Variants in GSN observed in about 807,000 individuals in gnomAD.
GSN encodes gelsolin.
GSN carries 56 observed loss-of-function variants against 85.7 expected under a neutral mutation model. The ratio of observed to expected loss-of-function variants is 0.65; its 90% CI spans 0.53 to 0.82. The LOEUF (loss-of-function observed/expected upper bound fraction) is 0.82, where lower values mean the gene tolerates loss of function less well. GSN is among the 40% of genes least tolerant of loss of function. The probability of loss-of-function intolerance (pLI) is 0.00; values close to 1 mark genes in which losing one functional copy is unlikely to be tolerated. For synonymous variants in GSN, 373 were observed against 399.1 expected (o/e 0.93, Z 0.78); for missense variants, 857 against 979.8 (o/e 0.87, Z 1.67).
chr9:121,249,216 T>C (rs2054764404), intron 6 of GSN, among the ~76,000 whole-genome samples: 1 of 151,860 alleles, frequency 6.6e-6, no homozygotes, highest in Admixed American at 6.6e-5. Context: ...CCCAGCACTC[T>C]GGGAGGGTGA....
intron 7 of GSN, among the ~76,000 whole-genome samples, chr9:121,314,381 C>A (rs534497130): frequency 4.9e-4 from 75 of 152,270 alleles, no homozygotes; most frequent in African/African-American, 1.7e-3. Context: ...GGAAATACTA[C>A]AGAAATGGTG....
chr9:121,322,704 G>A (rs1035812900), intron 11 of GSN, among the ~76,000 whole-genome samples: 2 of 152,096 alleles, frequency 1.3e-5, no homozygotes, highest in African/African-American at 4.8e-5. Context: ...TCACACTCGT[G>A]GATTGTGTGG....
At chr9:121,319,432 G>C (rs2062121712) in intron 10 of GSN, among the ~76,000 whole-genome samples, 1 of 152,114 alleles carries the variant, frequency 6.6e-6, no homozygotes, top group Non-Finnish European at 1.5e-5. Context: ...GTGCTAGTGA[G>C]GGGTTTTTCT....
intron 6 of GSN, among the ~76,000 whole-genome samples, chr9:121,260,319 C>A (rs189108736): frequency 6.6e-6 from 1 of 152,220 alleles, no homozygotes; most frequent in Non-Finnish European, 1.5e-5. Context: ...ATCGGGGAAA[C>A]GTGCTTCTTG....
intron 2 of GSN, among the ~76,000 whole-genome samples, chr9:121,300,301 T>G (rs1167341144): frequency 6.6e-6 from 1 of 151,932 alleles, no homozygotes; most frequent in Non-Finnish European, 1.5e-5. Context: ...TTCTCTGATT[T>G]TTTCTCCCCT....
At chr9:121,288,800 C>T (rs1005672049) in intron 2 of GSN, among the ~76,000 whole-genome samples, 4 of 151,828 alleles carry the variant, frequency 2.6e-5, no homozygotes, top group African/African-American at 9.7e-5. Context: ...ATCATGGACA[C>T]GGCATTCAAG....
intron 5 of GSN, among the ~76,000 whole-genome samples, chr9:121,236,036 A>G (rs1286764706): frequency 6.6e-6 from 1 of 152,178 alleles, no homozygotes; most frequent in African/African-American, 2.4e-5. Flanking sequence ...GATGCCTGAA[A>G]TCTGAAATCA....
chr9:121,216,187 A>C (rs1435944871), intron 4 of GSN, among the ~76,000 whole-genome samples: 2 of 152,094 alleles, frequency 1.3e-5, no homozygotes, highest in African/African-American at 4.8e-5. Context: ...ACTTCAGGTG[A>C]TCCACCTGCC....
At chr9:121,328,771 A>T in intron 14 of GSN, 120 bp from the exon 15 acceptor site, 1 of 1,052,970 alleles carries the variant, frequency 9.5e-7, no homozygotes, top group Non-Finnish European at 1.5e-6. Context: ...GATTTTTAGG[A>T]TGGAGGGAGG....
chr9:121,242,482 A>G (rs939290992), intron 5 of GSN, among the ~76,000 whole-genome samples: 4 of 124,294 alleles, frequency 3.2e-5, no homozygotes, highest in Non-Finnish European at 7.6e-5. Context: ...AACGAACCAA[A>G]TGGGGCTAGA....
chr9:121,296,946 G>A (rs566064037), intron 2 of GSN, among the ~76,000 whole-genome samples: 42 of 152,312 alleles, frequency 2.8e-4, no homozygotes, highest in Middle Eastern at 3.4e-3. Flanking sequence ...GTGGTCCCTG[G>A]GTTGATGGCC....
In GSN at chr9:121,307,965, G is replaced by T. The variant is rs547601921; in HGVS notation, c.352-2719G>T. On this transcript the variant is annotated intron_variant, in intron 4 of 17. Transcript: ENST00000432226. ...GCCATCCAGCCTTCGGACCCCCTCAGTTGTGACTGCAGTTGTGACTGCAGC... is the reference window on the plus strand; with the variant it reads ...GCCATCCAGCCTTCGGACCCCCTCATTTGTGACTGCAGTTGTGACTGCAGC... Among the ~76,000 whole-genome samples the T allele has an allele frequency of 2.6e-5, 4 of 152,332 alleles. No individual in the cohort carries two copies. In the East Asian group the frequency reaches 7.7e-4, roughly 29 times the overall value.
chr9:121,286,185 G>A, intron 2 of GSN: 1 of 1,528,334 alleles, frequency 6.5e-7, no homozygotes, highest in Non-Finnish European at 8.8e-7. Context: ...CTGACCCATG[G>A]GTGAGTAGCA....
At chr9:121,278,346 T>A (rs1304291275) in intron 1 of GSN, among the ~76,000 whole-genome samples, 2 of 152,224 alleles carry the variant, frequency 1.3e-5, no homozygotes, top group Non-Finnish European at 2.9e-5. Context: ...ATTTGAACGC[T>A]TATGGCATTA....
rs747136101 is a variant in GSN, at chr9:121,327,497, G to A, written c.1762+15G>A. 4 of 1,549,110 alleles carry A rather than the reference G, an allele frequency of 2.6e-6. No individual in the cohort carries two copies. Among genetic ancestry groups the A allele is most frequent in the Non-Finnish European group, 3.5e-6 (4 of 1,145,402 alleles). On this transcript the variant is annotated intron_variant, in intron 14 of 17. Transcript: ENST00000432226. ...CAGCGAGCCAGGTAGGAGCCGGGGT[G>A]GGGGGCCTGCTGCTGTCCGGATGCA...
Position 121,299,945 on chromosome 9 carries a change from C to T in GSN, c.-9-2018C>T, listed in dbSNP as rs2059629464. 1 of 1,264,390 alleles carries T rather than the reference C, an allele frequency of 7.9e-7. No individual in the cohort carries two copies. Among genetic ancestry groups the T allele is most frequent in the Admixed American group, 4.3e-5 (1 of 23,328 alleles). 78.3% of individuals were successfully genotyped at this position (1,264,390 alleles called of 1,614,324 possible). A position where few individuals can be genotyped will look rare whatever the true frequency, so the allele number is the denominator to read the frequency against. On this transcript the variant is annotated intron_variant, in intron 2 of 17. Coordinates refer to ENST00000432226, the MANE Select transcript of GSN (RefSeq NM_198252.3). The surrounding 1 kb of genome is among the most constrained non-coding windows in gnomAD (Gnocchi z 4.2). ...CGCTGTCGCTGCCCGTCCGCGCGGC[C>T]ACTGCGTCGCGGGGGGCGTCCCAGG...
At chr9:121,293,974 A>C (rs967243477) in intron 2 of GSN, among the ~76,000 whole-genome samples, 4 of 152,146 alleles carry the variant, frequency 2.6e-5, no homozygotes, top group Non-Finnish European at 5.9e-5. Flanking sequence ...TCAAAGCCAC[A>C]CTGCTAATAA....
chr9:121,208,998 TAAA>T (rs1197950937), intron 1 of GSN, among the ~76,000 whole-genome samples: 1 of 152,242 alleles, frequency 6.6e-6, no homozygotes, highest in Non-Finnish European at 1.5e-5. Context: ...GGACTCTGAA[TAAA>T]TAGCATTCCT....
At chr9:121,247,392 A>G (rs942966405) in intron 5 of GSN, among the ~76,000 whole-genome samples, 1 of 152,196 alleles carries the variant, frequency 6.6e-6, no homozygotes, top group Non-Finnish European at 1.5e-5. Flanking sequence ...TTAAAAATAC[A>G]ACGCAACAAC....
Sources: allele counts gnomAD v4.1 joint callset (sites outside exome capture counted in the v4.1 genomes callset), GRCh38; gene constraint gnomAD v4.1.1; non-coding constraint Gnocchi (gnomAD v3.1); transcripts MANE v1.5; gene names NCBI Gene and HGNC (gene_info 2026-07-23, HGNC 2026-07-21).